The following NLRC4 variants were observed in gnomAD, a reference collection of about 807,000 sequenced individuals.
NLRC4 encodes NLR family CARD domain-containing protein 4.
In NLRC4, 63 loss-of-function variants were observed where a neutral mutation model predicts 79.9. The observed-to-expected ratio is 0.79, with a 90% CI of 0.64 to 0.97. The LOEUF is 0.97. Among genes scored for constraint, NLRC4 ranks in the 50% least tolerant of loss-of-function variants. The pLI is 0.00. For missense variants in NLRC4, 1,074 were observed against 1,215.2 expected (o/e 0.88, Z 1.73); for synonymous variants, 461 against 456.5 (o/e 1.01, Z -0.12).
At chr2:32,244,399 A>G (rs1259591320) in intron 4 of NLRC4, among the ~76,000 whole-genome samples, 1 of 152,202 alleles carries the variant, frequency 6.6e-6, no homozygotes, top group Non-Finnish European at 1.5e-5. Context: ...AACTTGATAA[A>G]AGACACCTAC....
chr2:32,242,191 A>G (rs552044939), intron 4 of NLRC4, among the ~76,000 whole-genome samples: 142 of 152,248 alleles, frequency 9.3e-4, no homozygotes, highest in Non-Finnish European at 1.5e-3. Flanking sequence ...AAAATTATAA[A>G]CAGGTAAACA....
rs1258155945 is a variant in NLRC4 at position 32,262,605 on chromosome 2, T to C, written c.-119+2133A>G. On this transcript the variant is annotated intron_variant, in intron 1 of 8. Coordinates refer to ENST00000402280, the MANE Select transcript of NLRC4 (RefSeq NM_001199138.2). ...GCCTGGCCAACATGGTGAAACCCCA[T>C]CTCTGCTAAAAGTACAAGAAATTAG... Among the ~76,000 whole-genome samples the C allele has an allele frequency of 2.6e-5, 4 of 152,020 alleles. No individual in the cohort carries two copies. In the East Asian group the frequency reaches 5.8e-4, roughly 22 times the overall value.
At position 32,250,134 on chromosome 2, in the gene NLRC4, G is replaced by C. The variant is rs759917519; in HGVS notation, c.1730C>G (p.Ala577Gly). 1.2e-6 allele frequency: 2 copies of C among 1,614,164 alleles called. No individual in the cohort carries two copies. Among genetic ancestry groups the C allele is most frequent in the South Asian group, 2.2e-5 (2 of 91,080 alleles). The change falls in exon 4 of 9, where the codon GCT (alanine) becomes GGT (glycine). Residue 577 changes from alanine to glycine, a missense_variant. Ala to Gly is a moderately conservative substitution (Grantham distance 60, BLOSUM62 0). Coordinates refer to ENST00000402280, the MANE Select transcript of NLRC4 (RefSeq NM_001199138.2). The surrounding 1 kb of genome is among the most constrained non-coding windows in gnomAD (Gnocchi z 4.9). Reference sequence around the variant, plus strand: ...ATATAAGCTTTTACCTTGAAAGAAAGCTTCAAATTCTTGGCTCAGGGCTGA... The same window carrying C: ...ATATAAGCTTTTACCTTGAAAGAAACCTTCAAATTCTTGGCTCAGGGCTGA... ...SKSALSQEFEAFFQGKSLYIN... is the reference protein window; with the variant it reads ...SKSALSQEFEGFFQGKSLYIN...
At chr2:32,227,016 A>G (rs1440939000) in intron 8 of NLRC4, among the ~76,000 whole-genome samples, 1 of 152,178 alleles carries the variant, frequency 6.6e-6, no homozygotes, top group East Asian at 1.9e-4. Context: ...AGGTGTGGCT[A>G]AATTTTTGCC....
intron 2 of NLRC4, 101 bp downstream of exon 2, chr2:32,256,674 T>TGA (rs1659607816): frequency 1.3e-6 from 1 of 750,860 alleles, no homozygotes; most frequent in South Asian, 1.4e-5. Context: ...ATTCCACATA[T>TGA]GACTGGTCAG....
chr2:32,253,710 AC>A (rs1687138923), intron 2 of NLRC4, among the ~76,000 whole-genome samples: 1 of 151,180 alleles, frequency 6.6e-6, no homozygotes, highest in Admixed American at 6.6e-5. Flanking sequence ...CACACCTGTA[AC>A]CCCAGCACTT....
Position 32,243,116 on chromosome 2 carries a change from G to GAA in NLRC4, c.2258-1993_2258-1992dup, listed in dbSNP as rs377164375. Among the ~76,000 whole-genome samples the GAA allele has an allele frequency of 4.8e-3, 734 of 151,818 alleles. 11 individuals carry two copies. The highest frequency in any genetic ancestry group is 0.028 in the South Asian group (134 of 4,804). ...AGGGAGGGAAGGACGGAAAAGAAAA[G>GAA]AAAGAAAATTGAGGCTGGGCGAGGT... is the stretch of plus-strand genomic sequence containing the variant. On this transcript the variant is annotated intron_variant, in intron 4 of 8. Coordinates refer to ENST00000402280, the MANE Select transcript of NLRC4 (RefSeq NM_001199138.2).
In NLRC4 at chr2:32,251,315, G is replaced by T; in HGVS notation, c.549C>A (p.Ala183=). The T allele has an allele frequency of 6.2e-7, 1 of 1,614,136 alleles. No homozygotes were observed. The highest frequency in any genetic ancestry group is 8.5e-7 in the Non-Finnish European group (1 of 1,180,030). ...KGKSTLLQRI[A]MLWGSGKCKA... is the part of the protein sequence containing the mutation. ...TGCACTTTCCGGAGCCCCAGAGCATGGCAATTCGCTGCAGCAGAGTGGACT... is the reference window on the plus strand; with the variant it reads ...TGCACTTTCCGGAGCCCCAGAGCATTGCAATTCGCTGCAGCAGAGTGGACT... Residue 183 remains alanine (A), a synonymous_variant, in exon 4 of 9, where the codon GCC becomes GCA. Coordinates refer to ENST00000402280, the MANE Select transcript of NLRC4 (RefSeq NM_001199138.2).
intron 4 of NLRC4, among the ~76,000 whole-genome samples, chr2:32,247,984 A>G (rs1194133456): frequency 6.6e-6 from 1 of 152,184 alleles, no homozygotes; most frequent in Non-Finnish European, 1.5e-5. Flanking sequence ...GGAGATAGAA[A>G]GCAGAATAGA....
chr2:32,247,191 A>G (rs1309867980), intron 4 of NLRC4, among the ~76,000 whole-genome samples: 1 of 152,302 alleles, frequency 6.6e-6, no homozygotes, highest in East Asian at 1.9e-4. Flanking sequence ...TTCCTCCAAG[A>G]CTTGAAGTAG....
intron 8 of NLRC4, among the ~76,000 whole-genome samples, chr2:32,230,471 A>ATTTT (rs58666767): frequency 0.019 from 2,377 of 126,596 alleles, 57 homozygotes; most frequent in Middle Eastern, 0.054. Context: ...AGCCCCCGCT[A>ATTTT]TTTTTTTTTT....
Position 32,250,762 on chromosome 2 carries a change from C to A in NLRC4, c.1102G>T (p.Asp368Tyr). 6.2e-7 allele frequency: 1 copy of A among 1,614,154 alleles called. No homozygotes were observed. Among genetic ancestry groups the A allele is most frequent in the Non-Finnish European group, 8.5e-7 (1 of 1,180,002 alleles). ...TQTTLFHTFYDLLIQKNKHKH... is the reference protein window; with the variant it reads ...TQTTLFHTFYYLLIQKNKHKH... ...TGTTTGTTTTTCTGTATCAACAGAT[C>A]ATAGAAGGTATGGAACAGCGTTGTT... The change falls in exon 4 of 9, where the codon GAT becomes TAT. Residue 368 changes from aspartate to tyrosine, a missense_variant. Transcript: ENST00000402280. The surrounding 1 kb of genome is among the most constrained non-coding windows in gnomAD (Gnocchi z 4.9).
At chr2:32,240,686 A>T (rs1276789708) in intron 5 of NLRC4, among the ~76,000 whole-genome samples, 1 of 152,172 alleles carries the variant, frequency 6.6e-6, no homozygotes, top group Non-Finnish European at 1.5e-5. Context: ...CCATAGTATA[A>T]ACTTTAAAAT....
intron 4 of NLRC4, among the ~76,000 whole-genome samples, chr2:32,247,295 G>A (rs995565704): frequency 3.3e-5 from 5 of 151,272 alleles, no homozygotes; most frequent in Admixed American, 6.6e-5. Context: ...CTTAACCTGC[G>A]TATATATTTA....
At chr2:32,258,669 T>A (rs1687266806) in intron 1 of NLRC4, among the ~76,000 whole-genome samples, 1 of 152,170 alleles carries the variant, frequency 6.6e-6, no homozygotes, top group East Asian at 1.9e-4. Flanking sequence ...GAGATTATGG[T>A]ATAAGGAGTA....
chr2:32,250,569 G>A lies in NLRC4; in HGVS notation c.1295C>T (p.Ala432Val), dbSNP rs1687049258. ...LTTGLLCKYT[A>V]QRFKPKYKFF... ...TTTATACTTTGGCTTGAACCTTTGA[G>A]CTGTATATTTACAGAGGAGCCCAGT... is the stretch of plus-strand genomic sequence containing the variant. Residue 432 changes from alanine (A) to valine (V), a missense_variant, in exon 4 of 9, where the codon GCT becomes GTT. Transcript: ENST00000402280. The surrounding 1 kb of genome is among the most constrained non-coding windows in gnomAD (Gnocchi z 4.9). 2 of 1,614,040 alleles carry A rather than the reference G, an allele frequency of 1.2e-6. No individual in the cohort carries two copies. The highest frequency in any genetic ancestry group is 1.7e-6 in the Non-Finnish European group (2 of 1,180,030).
chr2:32,241,064 T>A lies in NLRC4; in HGVS notation c.2319A>T (p.Ile773=). 2 of 1,607,730 alleles carry A rather than the reference T, an allele frequency of 1.2e-6. No individual in the cohort carries two copies. Among genetic ancestry groups the A allele is most frequent in the Non-Finnish European group, 1.7e-6 (2 of 1,174,824 alleles). Residue 773 remains isoleucine (I), a synonymous_variant, in exon 5 of 9, where the codon ATA becomes ATT. Transcript: ENST00000402280. ...KNLTKLIMDN[I]KMNEEDAIKL... is the part of the protein sequence containing the mutation. Reference sequence around the variant, plus strand: ...TTATAGCATCTTCTTCATTCATCTTTATGTTATCCATTATGAGCTTTGTAA... The same window carrying A: ...TTATAGCATCTTCTTCATTCATCTTAATGTTATCCATTATGAGCTTTGTAA...
chr2:32,229,892 A>T (rs1686491011), intron 8 of NLRC4, among the ~76,000 whole-genome samples: 1 of 152,228 alleles, frequency 6.6e-6, no homozygotes, highest in South Asian at 2.1e-4. Context: ...ATGGTCAGGA[A>T]ATGGAGATGT....
chr2:32,253,847 G>T (rs472101), intron 2 of NLRC4, among the ~76,000 whole-genome samples: 88,653 of 150,936 alleles, frequency 0.59, 26,542 homozygotes, highest in Non-Finnish European at 0.63. Context: ...GCCTGTAGTG[G>T]CAGCTACTCA....
Sources: allele counts gnomAD v4.1 joint callset (sites outside exome capture counted in the v4.1 genomes callset), GRCh38; gene constraint gnomAD v4.1.1; non-coding constraint Gnocchi (gnomAD v3.1); transcripts MANE v1.5; gene names NCBI Gene and HGNC (gene_info 2026-07-23, HGNC 2026-07-21).